Variants in DFFB observed in about 807,000 individuals in gnomAD.
The protein encoded by DFFB is DNA fragmentation factor subunit beta, also known as DNA fragmentation factor 40 kDa subunit.
A neutral mutation model predicts 32.7 loss-of-function variants in DFFB; 29 were observed. That is an observed-to-expected ratio of 0.89 (90% CI 0.66 to 1.21). DFFB has a LOEUF of 1.21. Ranked by LOEUF, DFFB falls within the 50% of genes most tolerant of loss-of-function variation. DFFB has a pLI of 0.00. For synonymous variants in DFFB, 170 were observed against 177.1 expected (o/e 0.96, Z 0.32); for missense variants, 398 against 440.6 (o/e 0.90, Z 0.87).
At chr1:3,867,864 A>G (rs1246064246) in intron 3 of DFFB, 110 bp from the exon 4 acceptor site, 1 of 897,256 alleles carries the variant, frequency 1.1e-6, no homozygotes, top group South Asian at 1.4e-5. Context: ...AAGATGAAGC[A>G]GTATGACCCT....
chr1:3,865,567 G>T lies in DFFB; in HGVS notation c.242-245G>T, dbSNP rs570076940. On this transcript the variant is annotated intron_variant, in intron 2 of 6. Coordinates refer to ENST00000378209, the MANE Select transcript of DFFB (RefSeq NM_004402.4). This position sits in a 1 kb window ranked among gnomAD's most constrained non-coding sequence, Gnocchi z 4.7. ...TGGGAAAGCGGCCGTCTCTTGGTGC[G>T]CTTTCATCTGTCCTCTAAAGCACAC... 8 of 623,132 alleles carry T rather than the reference G, an allele frequency of 1.3e-5. No individual in the cohort carries two copies. The East Asian group carries it at 2.2e-4, about 17-fold the overall frequency. 38.6% of individuals were successfully genotyped at this position (623,132 alleles called of 1,614,324 possible). A position where few individuals can be genotyped will look rare whatever the true frequency, so the allele number is the denominator to read the frequency against.
chr1:3,880,580 G>A (rs1645315681), intron 6 of DFFB, among the ~76,000 whole-genome samples: 1 of 152,204 alleles, frequency 6.6e-6, no homozygotes, highest in African/African-American at 2.4e-5. Context: ...TCTCCTGCTG[G>A]TGGAGCCTTC....
intron 6 of DFFB, among the ~76,000 whole-genome samples, chr1:3,881,869 CAAAA>C (rs77630554): frequency 7.2e-6 from 1 of 139,674 alleles, no homozygotes. Context: ...GACTCTGTTT[CAAAA>C]AAAAAAAAAA....
chr1:3,877,184 C>T (rs1408261130), intron 6 of DFFB, among the ~76,000 whole-genome samples: 8 of 151,974 alleles, frequency 5.3e-5, no homozygotes, highest in Non-Finnish European at 2.9e-5. Context: ...ACTTTATTAA[C>T]GTTTGCTTTT....
At chr1:3,867,426 G>A (rs907360904) in intron 3 of DFFB, among the ~76,000 whole-genome samples, 7 of 152,234 alleles carry the variant, frequency 4.6e-5, no homozygotes, top group Non-Finnish European at 7.3e-5. Flanking sequence ...AGGCGATGCT[G>A]AGAGATTGTA....
At chr1:3,866,724 C>T (rs1055772493) in intron 3 of DFFB, among the ~76,000 whole-genome samples, 13 of 152,074 alleles carry the variant, frequency 8.5e-5, no homozygotes, top group Admixed American at 1.3e-4. Context: ...ACATCACTCC[C>T]CCTTCCCCCT....
chr1:3,857,729 G>T lies in DFFB; in HGVS notation c.114+12G>T, dbSNP rs767323255. The stretch of plus-strand genomic sequence containing the variant: ...GTCTCCGCTTCCAGGTGCCCGCTGG[G>T]CTAGGCGGGGACGGCCCGTCGGGGA... On this transcript the variant is annotated intron_variant, in intron 1 of 6. Transcript: ENST00000378209. The T allele has an allele frequency of 3.1e-5, 46 of 1,496,562 alleles. 1 individual carries two copies. The South Asian group carries it at 4.9e-4, about 16-fold the overall frequency. The allele number at this position is 1,496,562 out of a possible 1,614,324, so 92.7% of individuals were successfully genotyped here. A position where few individuals can be genotyped will look rare whatever the true frequency, so the allele number is the denominator to read the frequency against.
intron 6 of DFFB, among the ~76,000 whole-genome samples, chr1:3,881,206 C>T (rs1645330184): frequency 6.6e-6 from 1 of 152,206 alleles, no homozygotes; most frequent in Non-Finnish European, 1.5e-5. Context: ...GGGAGAAGGG[C>T]CCAGCCCTAG....
Position 3,859,685 on chromosome 1 carries a change from T to A in DFFB, c.241+841T>A, listed in dbSNP as rs189690003. Among the ~76,000 whole-genome samples, 131 of 152,290 alleles carry A rather than the reference T, an allele frequency of 8.6e-4. 2 individuals carry two copies. The East Asian group carries it at 0.024, about 28-fold the overall frequency. ...GGGCTCCACTGTCAGCATTGAGGGG[T>A]GACGCCTCTGGTGTGTGCTCCAAGG... is the stretch of plus-strand genomic sequence containing the variant. On this transcript the variant is annotated intron_variant, in intron 2 of 6. Transcript: ENST00000378209.
intron 2 of DFFB, among the ~76,000 whole-genome samples, chr1:3,862,346 A>T (rs1258285992): frequency 1.3e-5 from 2 of 152,228 alleles, no homozygotes; most frequent in Admixed American, 6.5e-5. Context: ...GTTTCATTGT[A>T]GAAATTGACA....
chr1:3,883,415 T>A, intron 6 of DFFB, 92 bp from the exon 7 acceptor site: 1 of 1,212,970 alleles, frequency 8.2e-7, no homozygotes, highest in South Asian at 1.4e-5. Flanking sequence ...TTAGGGGAAT[T>A]TGTGAAGAGC....
In DFFB at chr1:3,873,710, C is replaced by T. The variant is rs541015461; in HGVS notation, c.782+1138C>T. 1.3e-4 allele frequency among the ~76,000 whole-genome samples: 20 copies of T among 152,156 alleles called. 1 individual carries two copies. In the South Asian group the frequency reaches 3.9e-3, roughly 30 times the overall value. On this transcript the variant is annotated intron_variant, in intron 6 of 6. Transcript: ENST00000378209. ...GTCAGGCTGGTCTTGAACTCCTGACCTCAGGTGATCCGCCCGCCTCAGTCT... is the reference window on the plus strand; with the variant it reads ...GTCAGGCTGGTCTTGAACTCCTGACTTCAGGTGATCCGCCCGCCTCAGTCT...
chr1:3,864,887 T>G (rs1334189821), intron 2 of DFFB, among the ~76,000 whole-genome samples: 2 of 152,220 alleles, frequency 1.3e-5, no homozygotes, highest in African/African-American at 4.8e-5. Flanking sequence ...CATCTGTAGA[T>G]TCTCCTTGGT....
rs1458387576 is a variant in DFFB, at chr1:3,865,067, A to G, written c.242-745A>G. Among the ~76,000 whole-genome samples the G allele has an allele frequency of 1.2e-5, 1 of 81,632 alleles. No individual in the cohort carries two copies. The highest frequency in any genetic ancestry group is 2.9e-5 in the Non-Finnish European group (1 of 34,376). The allele number at this position is 81,632 out of a possible 152,430, so 53.6% of individuals were successfully genotyped here. A position where few individuals can be genotyped will look rare whatever the true frequency, so the allele number is the denominator to read the frequency against. On this transcript the variant is annotated intron_variant, in intron 2 of 6. Coordinates refer to ENST00000378209, the MANE Select transcript of DFFB (RefSeq NM_004402.4). The surrounding 1 kb of genome is among the most constrained non-coding windows in gnomAD (Gnocchi z 4.7). ...TTACCCTGTGGCTTTTCATTCTCTT[A>G]AGAGCATTTTTTTTTTTGCGGAGTA...
At chr1:3,874,014 C>CTT (rs33942957) in intron 6 of DFFB, among the ~76,000 whole-genome samples, 21,471 of 152,172 alleles carry the variant, frequency 0.14, 1,511 homozygotes, top group South Asian at 0.17. Flanking sequence ...AGGGAAAACA[C>CTT]TTGTGAAAGG....
At chr1:3,868,917 T>G (rs908462814) in intron 4 of DFFB, among the ~76,000 whole-genome samples, 2 of 152,260 alleles carry the variant, frequency 1.3e-5, no homozygotes, top group African/African-American at 2.4e-5. Context: ...CGACTTGCCA[T>G]GTTCCCTTGC....
intron 6 of DFFB, 63 bp from the exon 7 acceptor site, chr1:3,883,444 C>A: frequency 6.8e-7 from 1 of 1,472,288 alleles, no homozygotes; most frequent in Non-Finnish European, 9.4e-7. Context: ...CAATACACTG[C>A]TATGACCTGT....
Position 3,883,827 on chromosome 1 carries a change from G to T in DFFB, c.*86G>T. 8.4e-7 allele frequency: 1 copy of T among 1,184,724 alleles called. No homozygotes were observed. The highest frequency in any genetic ancestry group is 1.5e-5 in the African/African-American group (1 of 64,828). 73.4% of individuals were successfully genotyped at this position (1,184,724 alleles called of 1,614,324 possible). On this transcript the variant is annotated 3_prime_UTR_variant, in exon 7 of 7. Transcript: ENST00000378209. ...TGCCTTTTTTGTTTTTTTGTTTTTC[G>T]TTTTTTTGGTCACTCCAGTAGCTCC... is the stretch of plus-strand genomic sequence containing the variant.
intron 1 of DFFB, 43 bp downstream of exon 1, chr1:3,857,760 G>A: frequency 7.4e-7 from 1 of 1,347,242 alleles, no homozygotes; most frequent in South Asian, 1.5e-5. Context: ...GGGGAGGCGT[G>A]TGGGGAGAAT....
Sources: gnomAD v4.1 joint callset for allele counts (sites outside exome capture counted in the v4.1 genomes callset) on GRCh38, gnomAD v4.1.1 for gene constraint, Gnocchi (gnomAD v3.1) non-coding constraint, MANE v1.5 for transcripts, NCBI Gene and HGNC (gene_info 2026-07-23, HGNC 2026-07-21) for gene names.